The following GATA6 variants were observed in gnomAD, a reference collection of about 807,000 sequenced individuals.
The protein encoded by GATA6 is transcription factor GATA-6.
A neutral mutation model predicts 48.1 loss-of-function variants in GATA6; 11 were observed. The observed-to-expected ratio is 0.23, with a 90% CI of 0.14 to 0.38. The LOEUF is 0.38. GATA6 is among the 10% of genes least tolerant of loss of function. The pLI is 1.00. For synonymous variants in GATA6, 419 were observed against 396.1 expected, an observed-to-expected ratio of 1.06 and a Z score of -0.69; for missense variants, 795 against 850.3, an observed-to-expected ratio of 0.93 and a Z score of 0.81.
Position 22,185,931 on chromosome 18 carries a change from AG to A in GATA6, c.1620+2890del, listed in dbSNP as rs1205492112. 1.3e-5 allele frequency among the ~76,000 whole-genome samples: 2 copies of A among 152,196 alleles called. No homozygotes were observed. Among genetic ancestry groups the A allele is most frequent in the Non-Finnish European group, 2.9e-5 (2 of 68,044 alleles). On this transcript the variant is annotated intron_variant, in intron 6 of 6. Transcript: ENST00000269216. The surrounding 1 kb of genome is among the most constrained non-coding windows in gnomAD (Gnocchi z 4.3). ...AGCAGCTGGTAGAAGCATTTCTAAAAGGTGCCTGTGTTGACAAAGGTGTGTC... is the reference window on the plus strand; with the variant it reads ...AGCAGCTGGTAGAAGCATTTCTAAAAGTGCCTGTGTTGACAAAGGTGTGTC...
At chr18:22,181,973 CTA>C (rs2033202441) in intron 4 of GATA6, among the ~76,000 whole-genome samples, 1 of 152,082 alleles carries the variant, frequency 6.6e-6, no homozygotes, top group Admixed American at 6.5e-5. Flanking sequence ...AATCACTAGT[CTA>C]TATCTCTTAA....
rs1426606304 is a variant in GATA6, at chr18:22,172,653, T to G, written c.1135+374T>G. 1.3e-5 allele frequency among the ~76,000 whole-genome samples: 2 copies of G among 152,144 alleles called. No individual in the cohort carries two copies. The highest frequency in any genetic ancestry group is 2.9e-5 in the Non-Finnish European group (2 of 68,030). The stretch of plus-strand genomic sequence containing the variant: ...GCTTGAGCCCCATCGCAGACCCTAC[T>G]TTGGGTGAGTGGAAGAAATTCCACG... On this transcript the variant is annotated intron_variant, in intron 2 of 6. Coordinates refer to ENST00000269216, the MANE Select transcript of GATA6 (RefSeq NM_005257.6). The surrounding 1 kb of genome is among the most constrained non-coding windows in gnomAD (Gnocchi z 5.2).
Position 22,170,069 on chromosome 18 carries a change from A to C in GATA6, c.-38+387A>C, listed in dbSNP as rs73390821. On this transcript the variant is annotated intron_variant, in intron 1 of 6. Transcript: ENST00000269216. This position sits in a 1 kb window ranked among gnomAD's most constrained non-coding sequence, Gnocchi z 6.7. ...GCGATTTGGAAGAGCAGCCTGGAGG[A>C]GGCCAGCCCGGCTGCATTTCACCTC... 6.6e-3 allele frequency among the ~76,000 whole-genome samples: 1,006 copies of C among 152,252 alleles called. 7 individuals carry two copies. The highest frequency in any genetic ancestry group is 0.023 in the African/African-American group (963 of 41,554).
chr18:22,183,103 C>A, intron 6 of GATA6, 60 bp downstream of exon 6: 1 of 1,277,390 alleles, frequency 7.8e-7, no homozygotes, highest in African/African-American at 1.5e-5. Flanking sequence ...TAAATTATCT[C>A]AAATTTTATC....
chr18:22,176,627 A>G (rs1346173519), intron 2 of GATA6: 2 of 257,144 alleles, frequency 7.8e-6, no homozygotes, highest in Non-Finnish European at 1.5e-5. Context: ...GCTCCGGGAC[A>G]GCCTGAGAGT....
intron 3 of GATA6, among the ~76,000 whole-genome samples, chr18:22,181,094 T>C (rs779430332): frequency 3.0e-4 from 46 of 152,286 alleles, no homozygotes; most frequent in Middle Eastern, 3.4e-3. Context: ...TCTGGGAAAC[T>C]CTAAATTGGA....
intron 6 of GATA6, among the ~76,000 whole-genome samples, chr18:22,193,817 G>A (rs977503219): frequency 6.6e-6 from 1 of 152,148 alleles, no homozygotes; most frequent in Non-Finnish European, 1.5e-5. Flanking sequence ...TTCCTCAAAG[G>A]AAATTTATGC....
At chr18:22,184,594 A>G (rs1277245694) in intron 6 of GATA6, among the ~76,000 whole-genome samples, 3 of 152,114 alleles carry the variant, frequency 2.0e-5, no homozygotes, top group East Asian at 1.9e-4. Context: ...TCCCGGATTC[A>G]AGCAATCCTC....
chr18:22,199,702 A>G (rs2143342849), intron 6 of GATA6, among the ~76,000 whole-genome samples: 1 of 152,220 alleles, frequency 6.6e-6, no homozygotes, highest in Middle Eastern at 3.4e-3. Context: ...CAGGAGTTTG[A>G]GACCAGCCTG....
chr18:22,191,229 A>T (rs2143323318), intron 6 of GATA6, among the ~76,000 whole-genome samples: 1 of 152,264 alleles, frequency 6.6e-6, no homozygotes, highest in Non-Finnish European at 1.5e-5. Context: ...TAAGTGACTC[A>T]TTATCACTAT....
chr18:22,178,183 C>G (rs1037665690), intron 3 of GATA6, among the ~76,000 whole-genome samples: 1 of 151,658 alleles, frequency 6.6e-6, no homozygotes, highest in African/African-American at 2.4e-5. Context: ...AGGCTGGTCT[C>G]GAACTCCCGA....
At position 22,171,136 on chromosome 18, in the gene GATA6, G is replaced by A; in HGVS notation, c.-9G>A. ...CTAGACGTCAGCTTGGAGCGGCGCC[G>A]GACCGTGGATGGCCTTGACTGACGG... On this transcript the variant is annotated 5_prime_UTR_variant, in exon 2 of 7. Transcript: ENST00000269216. The surrounding 1 kb of genome is among the most constrained non-coding windows in gnomAD (Gnocchi z 7.1). 6.3e-7 allele frequency: 1 copy of A among 1,599,396 alleles called. No homozygotes were observed. Among genetic ancestry groups the A allele is most frequent in the Non-Finnish European group, 8.5e-7 (1 of 1,179,286 alleles).
Position 22,171,880 on chromosome 18 carries a change from G to A in GATA6, c.736G>A (p.Ala246Thr). The change falls in exon 2 of 7, where the codon GCC becomes ACC. Residue 246 changes from alanine to threonine, a missense_variant. Transcript: ENST00000269216. The surrounding 1 kb of genome is among the most constrained non-coding windows in gnomAD (Gnocchi z 7.1). ...GSGGGAAGGG[A>T]AGPGGAGSAA... ...CGGAGGCGGCGCGGCTGGCGGCGGG[G>A]CCGCGGGGCCTGGCGGCGCTGGCTC... 8.7e-7 allele frequency: 1 copy of A among 1,153,194 alleles called. No individual in the cohort carries two copies. The highest frequency in any genetic ancestry group is 1.1e-6 in the Non-Finnish European group (1 of 938,652). The allele number at this position is 1,153,194 out of a possible 1,614,324, so 71.4% of individuals were successfully genotyped here.
Position 22,176,936 on chromosome 18 carries a change from C to G in GATA6, c.1136-19C>G. On this transcript the variant is annotated intron_variant, in intron 2 of 6. Coordinates refer to ENST00000269216, the MANE Select transcript of GATA6 (RefSeq NM_005257.6). ...TCCGGCGCGCCCACTCCCGCCCTCACGCACCGCTGTCGCCGCAGACCTGCT... is the reference window on the plus strand; with the variant it reads ...TCCGGCGCGCCCACTCCCGCCCTCAGGCACCGCTGTCGCCGCAGACCTGCT... The G allele has an allele frequency of 6.5e-7, 1 of 1,536,800 alleles. No homozygotes were observed. The highest frequency in any genetic ancestry group is 2.5e-5 in the East Asian group (1 of 40,434).
intron 2 of GATA6, among the ~76,000 whole-genome samples, chr18:22,173,859 T>C (rs2033087819): frequency 6.6e-6 from 1 of 152,346 alleles, no homozygotes; most frequent in Non-Finnish European, 1.5e-5. Flanking sequence ...GTTTTTGAAC[T>C]CTTGACTTCA....
chr18:22,181,395 T>C (rs1360163504), intron 3 of GATA6, 58 bp from the exon 4 acceptor site: 12 of 1,553,072 alleles, frequency 7.7e-6, no homozygotes, highest in Non-Finnish European at 1.1e-5. Flanking sequence ...AATGTATGTA[T>C]GTAATATATA....
At chr18:22,200,630 T>C in intron 6 of GATA6, 26 bp from the exon 7 acceptor site, 1 of 1,614,166 alleles carries the variant, frequency 6.2e-7, no homozygotes, top group Non-Finnish European at 8.5e-7. Flanking sequence ...TTCTCGTCTC[T>C]CCTCTGTGTC....
chr18:22,201,037 C>T lies in GATA6; in HGVS notation c.*214C>T. On this transcript the variant is annotated 3_prime_UTR_variant, in exon 7 of 7. Transcript: ENST00000269216. ...GTGCAACTGGGCGCTTGGGCCACTCCAGCCAGCCCGCCTCCGGGGCGGACC... is the reference window on the plus strand; with the variant it reads ...GTGCAACTGGGCGCTTGGGCCACTCTAGCCAGCCCGCCTCCGGGGCGGACC... 1.6e-6 allele frequency: 1 copy of T among 642,964 alleles called. No homozygotes were observed. Among genetic ancestry groups the T allele is most frequent in the South Asian group, 2.0e-5 (1 of 49,846 alleles). 39.8% of individuals were successfully genotyped at this position (642,964 alleles called of 1,614,324 possible).
chr18:22,180,597 T>C (rs1199163377), intron 3 of GATA6, among the ~76,000 whole-genome samples: 1 of 152,098 alleles, frequency 6.6e-6, no homozygotes, highest in Non-Finnish European at 1.5e-5. Flanking sequence ...TTTGCTCGTA[T>C]CCTTTGTAAA....
Sources: gnomAD v4.1 joint callset for allele counts (sites outside exome capture counted in the v4.1 genomes callset) on GRCh38, gnomAD v4.1.1 for gene constraint, Gnocchi (gnomAD v3.1) non-coding constraint, MANE v1.5 for transcripts, NCBI Gene and HGNC (gene_info 2026-07-23, HGNC 2026-07-21) for gene names.